The following CTNNA3 variants were observed in gnomAD, a reference collection of about 807,000 sequenced individuals.
The protein encoded by CTNNA3 is catenin alpha-3.
In CTNNA3, 76 loss-of-function variants were observed where a neutral mutation model predicts 95.7. The observed-to-expected ratio is 0.79, with a 90% CI of 0.66 to 0.96. CTNNA3 has a LOEUF of 0.96. Among genes scored for constraint, CTNNA3 ranks in the 40% least tolerant of loss-of-function variants. CTNNA3 has a pLI of 0.00. For synonymous variants in CTNNA3, 431 were observed against 374.4 expected (o/e 1.15, Z -1.74); for missense variants, 1,191 against 1,089.8 (o/e 1.09, Z -1.31).
intron 5 of CTNNA3, among the ~76,000 whole-genome samples, chr10:67,267,883 G>A (rs1457163625): frequency 6.6e-6 from 1 of 151,946 alleles, no homozygotes; most frequent in African/African-American, 2.4e-5. Context: ...GAAAACAGTA[G>A]TTTACTCTTA....
chr10:66,113,630 A>G (rs561260410), intron 13 of CTNNA3, among the ~76,000 whole-genome samples: 1 of 152,310 alleles, frequency 6.6e-6, no homozygotes, highest in African/African-American at 2.4e-5. Context: ...ATTATTTATA[A>G]AATTTCAGTC....
At chr10:66,823,062 G>T (rs1427605264) in intron 7 of CTNNA3, among the ~76,000 whole-genome samples, 1 of 152,182 alleles carries the variant, frequency 6.6e-6, no homozygotes, top group South Asian at 2.1e-4. Context: ...CTGGCAGGGG[G>T]CCTGCAACAA....
chr10:66,963,940 TCAAG>T (rs1360343541), intron 7 of CTNNA3, among the ~76,000 whole-genome samples: 1 of 151,786 alleles, frequency 6.6e-6, no homozygotes, highest in East Asian at 1.9e-4. Flanking sequence ...ACTCCCTGGT[TCAAG>T]CAAGCAATTC....
At chr10:66,196,995 G>T (rs1403243233) in intron 13 of CTNNA3, among the ~76,000 whole-genome samples, 3 of 140,288 alleles carry the variant, frequency 2.1e-5, no homozygotes, top group Non-Finnish European at 4.7e-5. Context: ...CACATATCCA[G>T]TGATCATGAG....
intron 5 of CTNNA3, among the ~76,000 whole-genome samples, chr10:67,383,449 G>A (rs1304492491): frequency 6.6e-6 from 1 of 152,162 alleles, no homozygotes; most frequent in African/African-American, 2.4e-5. Flanking sequence ...CCAGTAAGTA[G>A]TGGAGTTGGG....
chr10:66,843,338 T>G (rs191591709), intron 7 of CTNNA3, among the ~76,000 whole-genome samples: 1 of 152,276 alleles, frequency 6.6e-6, no homozygotes, highest in African/African-American at 2.4e-5. Flanking sequence ...AGGCAAAGTT[T>G]GAGATGAACA....
At chr10:66,853,393 T>G (rs1049651576) in intron 7 of CTNNA3, among the ~76,000 whole-genome samples, 1 of 152,154 alleles carries the variant, frequency 6.6e-6, no homozygotes, top group African/African-American at 2.4e-5. Context: ...CTCTTTTATG[T>G]GCAATTAGTC....
At chr10:66,889,591 T>C (rs1845184741) in intron 7 of CTNNA3, among the ~76,000 whole-genome samples, 1 of 152,090 alleles carries the variant, frequency 6.6e-6, no homozygotes, top group Non-Finnish European at 1.5e-5. Context: ...GTGGATTGTA[T>C]GTGTAGGGTA....
intron 13 of CTNNA3, among the ~76,000 whole-genome samples, chr10:66,246,202 A>T (rs1365853977): frequency 1.3e-5 from 2 of 152,202 alleles, no homozygotes; most frequent in Non-Finnish European, 2.9e-5. Context: ...GGGAAAAGCC[A>T]GGCAGCAGGA....
chr10:66,085,143 T>G (rs2080931121), intron 14 of CTNNA3: 1 of 152,008 alleles, frequency 6.6e-6, no homozygotes, highest in African/African-American at 2.4e-5. Flanking sequence ...TTCAAAATGA[T>G]AAAAAAAGAG....
chr10:67,123,179 TG>T (rs1172284952), intron 7 of CTNNA3, among the ~76,000 whole-genome samples: 16 of 152,192 alleles, frequency 1.1e-4, no homozygotes, highest in African/African-American at 3.6e-4. Context: ...GTATAGAGGC[TG>T]AAATTTTAAG....
chr10:67,558,620 G>A (rs529252435), intron 3 of CTNNA3, among the ~76,000 whole-genome samples: 50 of 152,296 alleles, frequency 3.3e-4, no homozygotes, highest in Non-Finnish European at 5.6e-4. Flanking sequence ...TCACTAGGGC[G>A]TGCCAGACAG....
intron 1 of CTNNA3, among the ~76,000 whole-genome samples, chr10:67,745,517 G>T (rs189183219): frequency 3.1e-4 from 44 of 143,298 alleles, no homozygotes; most frequent in Non-Finnish European, 3.5e-4. Context: ...TGTGGGGTGG[G>T]GGGGAGGGGG....
chr10:66,766,242 G>A (rs747192727), intron 9 of CTNNA3, 22 bp downstream of exon 9: 4 of 1,609,998 alleles, frequency 2.5e-6, no homozygotes, highest in Non-Finnish European at 3.4e-6. Flanking sequence ...ACTTTAGTGA[G>A]TTACAGTTCT....
At chr10:66,482,041 T>G (rs2131904804) in intron 11 of CTNNA3, among the ~76,000 whole-genome samples, 1 of 152,236 alleles carries the variant, frequency 6.6e-6, no homozygotes, top group African/African-American at 2.4e-5. Context: ...TATGTGTATG[T>G]TTTTGTATGT....
At chr10:67,243,578 A>AT in intron 5 of CTNNA3, among the ~76,000 whole-genome samples, 1 of 152,246 alleles carries the variant, frequency 6.6e-6, no homozygotes, top group East Asian at 1.9e-4. Flanking sequence ...GAAAACTCAT[A>AT]TTTTTTGTTA....
intron 14 of CTNNA3, among the ~76,000 whole-genome samples, chr10:66,071,162 G>C (rs947779958): frequency 6.6e-6 from 1 of 152,110 alleles, no homozygotes; most frequent in Non-Finnish European, 1.5e-5. Flanking sequence ...GAATTATTTT[G>C]TTCAAGTTAA....
intron 7 of CTNNA3, among the ~76,000 whole-genome samples, chr10:66,941,526 TTGAATC>T (rs1214420140): frequency 2.0e-5 from 3 of 152,144 alleles, no homozygotes; most frequent in Non-Finnish European, 4.4e-5. Context: ...TGTATGGAAT[TTGAATC>T]TGACAAACAA....
In CTNNA3 at chr10:66,034,857, G is replaced by A. The variant is rs2079529037; in HGVS notation, c.2159+34451C>T. On this transcript the variant is annotated intron_variant, in intron 15 of 17. Coordinates refer to ENST00000433211, the MANE Select transcript of CTNNA3 (RefSeq NM_013266.4). ...GAATGGTGTACCTGCAAATCAGTAAGTGTTGTGCTTTCCATAAACATTTAA... is the reference window on the plus strand; with the variant it reads ...GAATGGTGTACCTGCAAATCAGTAAATGTTGTGCTTTCCATAAACATTTAA... 2.0e-5 allele frequency among the ~76,000 whole-genome samples: 3 copies of A among 152,114 alleles called. No individual in the cohort carries two copies. In the South Asian group the frequency reaches 6.2e-4, roughly 32 times the overall value.
Sources: gnomAD v4.1 joint callset for allele counts (sites outside exome capture counted in the v4.1 genomes callset) on GRCh38, gnomAD v4.1.1 for gene constraint, MANE v1.5 for transcripts, NCBI Gene and HGNC (gene_info 2026-07-23, HGNC 2026-07-21) for gene names.